Variants in PHF24 observed in about 807,000 individuals in gnomAD.
PHF24 encodes the protein Galpha inhibitory interacting protein.
A neutral mutation model predicts 42.6 loss-of-function variants in PHF24; 25 were observed. That is an observed-to-expected ratio of 0.59 (90% CI 0.43 to 0.82). The LOEUF is 0.82. PHF24 is among the 40% of genes least tolerant of loss of function. The probability of loss-of-function intolerance (pLI) is 0.00; values close to 1 mark genes in which losing one functional copy is unlikely to be tolerated. For synonymous variants in PHF24, 185 were observed against 204.8 expected (o/e 0.90, Z 0.83); for missense variants, 470 against 538.1 (o/e 0.87, Z 1.25).
At chr9:34,946,390 C>T in the PHF24 span, among the ~76,000 whole-genome samples, 3 of 152,300 alleles carry the variant, frequency 2.0e-5, no homozygotes, top group East Asian at 5.8e-4. Context: ...AGAGTTTCAA[C>T]TTCTGGCATG....
chr9:34,819,399 G>T, the PHF24 span, among the ~76,000 whole-genome samples: 1 of 151,550 alleles, frequency 6.6e-6, no homozygotes, highest in Non-Finnish European at 1.5e-5. Flanking sequence ...CTTTAATATC[G>T]GTATTTATTG....
At chr9:34,712,097 G>T in the PHF24 span, among the ~76,000 whole-genome samples, 6 of 151,196 alleles carry the variant, frequency 4.0e-5, no homozygotes, top group Non-Finnish European at 8.9e-5. Context: ...TAGAATTCTT[G>T]TTTGACTTTT....
At chr9:34,799,741 T>G in the PHF24 span, among the ~76,000 whole-genome samples, 9 of 152,198 alleles carry the variant, frequency 5.9e-5, no homozygotes, top group Admixed American at 5.2e-4. Flanking sequence ...TATGGACTTA[T>G]AGGCACAATC....
At chr9:34,936,602 G>A in the PHF24 span, among the ~76,000 whole-genome samples, 8 of 150,400 alleles carry the variant, frequency 5.3e-5, no homozygotes, top group South Asian at 2.1e-4. Flanking sequence ...CTGCCCTGCC[G>A]CCATCCCATC....
At chr9:34,717,901 T>G in the PHF24 span, among the ~76,000 whole-genome samples, 1,811 of 152,326 alleles carry the variant, frequency 0.012, 38 homozygotes, top group African/African-American at 0.041. Flanking sequence ...GTGTTTGTCC[T>G]TACTCTGAAC....
At chr9:34,848,854 A>G in the PHF24 span, among the ~76,000 whole-genome samples, 1 of 152,164 alleles carries the variant, frequency 6.6e-6, no homozygotes, top group Non-Finnish European at 1.5e-5. Context: ...TCATTTCATT[A>G]TGTACCCAGT....
At chr9:34,924,351 T>G in the PHF24 span, among the ~76,000 whole-genome samples, 3 of 152,052 alleles carry the variant, frequency 2.0e-5, no homozygotes, top group Admixed American at 6.6e-5. Context: ...TAGATAAACC[T>G]GTCCAAGTCT....
chr9:34,799,308 G>A, the PHF24 span, among the ~76,000 whole-genome samples: 16 of 152,122 alleles, frequency 1.1e-4, no homozygotes, highest in Admixed American at 3.9e-4. Flanking sequence ...AACATTGGGC[G>A]AGAATCTTCA....
At chr9:34,834,607 C>T in the PHF24 span, 6,009 of 1,550,046 alleles carry the variant, frequency 3.9e-3, 16 homozygotes, top group East Asian at 0.055. Flanking sequence ...GGGAAGCTGT[C>T]GTGGTCTCAG....
the PHF24 span, among the ~76,000 whole-genome samples, chr9:34,875,940 A>ACTCTCTCTCTCTCTCTCTCT: frequency 5.6e-5 from 5 of 89,338 alleles, no homozygotes. Context: ...ACACACACAC[A>ACTCTCTCTCTCTCTCTCTCT]CACACACACA....
At chr9:34,917,292 C>A in the PHF24 span, 1 of 1,023,700 alleles carries the variant, frequency 9.8e-7, no homozygotes. Context: ...TGGAAAAGGA[C>A]TGCACTGCAA....
the PHF24 span, among the ~76,000 whole-genome samples, chr9:34,701,630 T>C: frequency 6.6e-6 from 1 of 151,974 alleles, no homozygotes; most frequent in Non-Finnish European, 1.5e-5. This position sits in a 1 kb window ranked among gnomAD's most constrained non-coding sequence, Gnocchi z 5.8. Context: ...CCGCCGTCCC[T>C]GGGGTCCCCG....
At chr9:34,729,531 C>G in the PHF24 span, 2 of 1,287,128 alleles carry the variant, frequency 1.6e-6, no homozygotes, top group Non-Finnish European at 2.1e-6. Context: ...GTCCACCTCA[C>G]AGAGGACGGA....
At chr9:34,971,738 GA>G in intron 2 of PHF24, 62 bp downstream of exon 2, 1 of 1,516,726 alleles carries the variant, frequency 6.6e-7, no homozygotes, top group African/African-American at 1.4e-5. Flanking sequence ...GGACAGGGAA[GA>G]TGGATGTGGG....
chr9:34,805,744 G>A, the PHF24 span, among the ~76,000 whole-genome samples: 15 of 151,252 alleles, frequency 9.9e-5, no homozygotes, highest in Non-Finnish European at 1.5e-4. Context: ...TTTTTCTTTC[G>A]TTGCCTGTGC....
chr9:34,875,936 ACACACACACACACACTCTCTCT>A, the PHF24 span, among the ~76,000 whole-genome samples: 26 of 87,904 alleles, frequency 3.0e-4, no homozygotes, highest in African/African-American at 1.2e-3. Flanking sequence ...ACACACACAC[ACACACACACACACACTCTCTCT>A]CTCTCTCTCT....
At chr9:34,874,610 G>T in the PHF24 span, among the ~76,000 whole-genome samples, 3 of 151,954 alleles carry the variant, frequency 2.0e-5, no homozygotes, top group South Asian at 6.2e-4. Flanking sequence ...CCTAATAGGG[G>T]GAATTACTAA....
the PHF24 span, among the ~76,000 whole-genome samples, chr9:34,689,024 G>A: frequency 3.3e-5 from 5 of 152,324 alleles, no homozygotes; most frequent in South Asian, 2.1e-4. This position sits in a 1 kb window ranked among gnomAD's most constrained non-coding sequence, Gnocchi z 4.1. Flanking sequence ...AGGAAGAGGC[G>A]TCTGGACCCA....
At chr9:34,851,469 G>A in the PHF24 span, among the ~76,000 whole-genome samples, 1 of 152,198 alleles carries the variant, frequency 6.6e-6, no homozygotes, top group Non-Finnish European at 1.5e-5. Context: ...GCAGTATTGG[G>A]GTGGGAGTGA....
Sources: gnomAD v4.1 joint callset for allele counts (sites outside exome capture counted in the v4.1 genomes callset) on GRCh38, gnomAD v4.1.1 for gene constraint, Gnocchi (gnomAD v3.1) non-coding constraint, MANE v1.5 for transcripts, NCBI Gene and HGNC (gene_info 2026-07-23, HGNC 2026-07-21) for gene names.